OLA1: variants seen among roughly 807,000 people sequenced by gnomAD.
The protein encoded by OLA1 is Obg like ATPase 1.
Under a neutral mutation model 48.4 loss-of-function variants are expected in OLA1, and 14 were observed. The ratio of observed to expected loss-of-function variants is 0.29; its 90% CI spans 0.19 to 0.45. The LOEUF is 0.45. Among genes scored for constraint, OLA1 ranks in the 20% least tolerant of loss-of-function variants. The probability of loss-of-function intolerance (pLI) is 1.00; values close to 1 mark genes in which losing one functional copy is unlikely to be tolerated. For missense variants in OLA1, 325 were observed against 467.1 expected (o/e 0.70, Z 2.80); for synonymous variants, 127 against 150.4 (o/e 0.84, Z 1.14).
rs549010649 is a variant in OLA1 at position 174,237,820 on chromosome 2, G to A, written c.102-8369C>T. 2.6e-5 allele frequency among the ~76,000 whole-genome samples: 4 copies of A among 152,234 alleles called. No individual in the cohort carries two copies. The South Asian group carries it at 8.3e-4, about 32-fold the overall frequency. On this transcript the variant is annotated intron_variant, in intron 2 of 10. Coordinates refer to ENST00000284719, the MANE Select transcript of OLA1 (RefSeq NM_013341.5). ...GCCAGTAACTGTCATTTATTATCAA[G>A]TATTACGTACTGTACATAATTGTAT...
chr2:174,098,007 A>G (rs957782689), intron 7 of OLA1, among the ~76,000 whole-genome samples: 1 of 152,208 alleles, frequency 6.6e-6, no homozygotes, highest in Non-Finnish European at 1.5e-5. Flanking sequence ...CAGTCATTGT[A>G]AAAAAGGGAA....
chr2:174,133,855 A>G (rs1595796), intron 5 of OLA1, among the ~76,000 whole-genome samples: 109,751 of 152,092 alleles, frequency 0.72, 39,830 homozygotes, highest in East Asian at 0.95. Flanking sequence ...ACAATGTTAT[A>G]CAAACCACCT....
At chr2:174,136,619 T>C (rs1686315962) in intron 5 of OLA1, among the ~76,000 whole-genome samples, 1 of 151,956 alleles carries the variant, frequency 6.6e-6, no homozygotes, top group Admixed American at 6.6e-5. Flanking sequence ...AATCAACTCA[T>C]CCCAAACCCC....
At chr2:174,243,256 C>T (rs1426617449) in intron 2 of OLA1, among the ~76,000 whole-genome samples, 1 of 152,082 alleles carries the variant, frequency 6.6e-6, no homozygotes, top group Non-Finnish European at 1.5e-5. Context: ...TGGTGAAACT[C>T]CATCTACAAA....
At chr2:174,127,433 T>A (rs1267155906) in intron 5 of OLA1, among the ~76,000 whole-genome samples, 2 of 152,218 alleles carry the variant, frequency 1.3e-5, no homozygotes, top group African/African-American at 4.8e-5. Context: ...ATCACAAAAA[T>A]AGTAATTTTT....
At chr2:174,166,040 C>T (rs1302507856) in intron 4 of OLA1, among the ~76,000 whole-genome samples, 1 of 151,440 alleles carries the variant, frequency 6.6e-6, no homozygotes, top group Admixed American at 6.6e-5. Flanking sequence ...GCAGGAGAAT[C>T]GCTTGAACCC....
intron 7 of OLA1, among the ~76,000 whole-genome samples, chr2:174,119,956 AACACAC>A (rs10592077): frequency 7.8e-4 from 117 of 149,548 alleles, no homozygotes; most frequent in Non-Finnish European, 1.0e-3. Flanking sequence ...CACACACACA[AACACAC>A]ACACACACAC....
At chr2:174,165,565 C>T (rs1687142051) in intron 4 of OLA1, among the ~76,000 whole-genome samples, 1 of 152,214 alleles carries the variant, frequency 6.6e-6, no homozygotes, top group South Asian at 2.1e-4. Context: ...CCTGCCTTTG[C>T]TGGAGAGTCC....
chr2:174,195,564 T>C lies in OLA1; in HGVS notation c.373+27469A>G, dbSNP rs568709425. On this transcript the variant is annotated intron_variant, in intron 4 of 10. Coordinates refer to ENST00000284719, the MANE Select transcript of OLA1 (RefSeq NM_013341.5). ...CAAGCAGTGAAAAAGAAATGCCAAATCTTGTTCCTGCAAATATAAAGTTCT... is the reference window on the plus strand; with the variant it reads ...CAAGCAGTGAAAAAGAAATGCCAAACCTTGTTCCTGCAAATATAAAGTTCT... 1.2e-4 allele frequency among the ~76,000 whole-genome samples: 19 copies of C among 152,288 alleles called. No homozygotes were observed. In the South Asian group the frequency reaches 3.9e-3, roughly 32 times the overall value.
chr2:174,086,896 T>C (rs1684989349), intron 7 of OLA1, among the ~76,000 whole-genome samples: 1 of 152,178 alleles, frequency 6.6e-6, no homozygotes, highest in Admixed American at 6.5e-5. Flanking sequence ...GGAGCTGCTA[T>C]ATTAGCTCCG....
At chr2:174,099,520 G>C (rs1414418507) in intron 7 of OLA1, among the ~76,000 whole-genome samples, 2 of 152,092 alleles carry the variant, frequency 1.3e-5, no homozygotes, top group Non-Finnish European at 2.9e-5. Context: ...TTGTTACTTG[G>C]CCCTGTGTAT....
chr2:174,089,395 A>C (rs1685056152), intron 7 of OLA1, among the ~76,000 whole-genome samples: 1 of 152,206 alleles, frequency 6.6e-6, no homozygotes, highest in African/African-American at 2.4e-5. Flanking sequence ...CAACTGATAA[A>C]CTAGAGGCAG....
In OLA1 at chr2:174,117,100, T is replaced by C. The variant is rs146416335; in HGVS notation, c.728+6080A>G. Among the ~76,000 whole-genome samples the C allele has an allele frequency of 1.0e-3, 159 of 152,262 alleles. No individual in the cohort carries two copies. In the Middle Eastern group the frequency reaches 0.017, roughly 16 times the overall value. On this transcript the variant is annotated intron_variant, in intron 7 of 10. Coordinates refer to ENST00000284719, the MANE Select transcript of OLA1 (RefSeq NM_013341.5). ...GGTTGTAGAGAACATGGCAGTGATATCATGGGAGTCTCACTGTTATATTTA... is the reference window on the plus strand; with the variant it reads ...GGTTGTAGAGAACATGGCAGTGATACCATGGGAGTCTCACTGTTATATTTA...
chr2:174,183,586 T>G (rs1362014687), intron 4 of OLA1, among the ~76,000 whole-genome samples: 1 of 152,234 alleles, frequency 6.6e-6, no homozygotes, highest in East Asian at 1.9e-4. Flanking sequence ...AACTAGATTG[T>G]TCTCATTGAT....
At chr2:174,232,135 G>A (rs1688741593) in intron 2 of OLA1, among the ~76,000 whole-genome samples, 1 of 152,082 alleles carries the variant, frequency 6.6e-6, no homozygotes, top group Non-Finnish European at 1.5e-5. Flanking sequence ...TAGACTAAAT[G>A]TATGCCCCCT....
intron 7 of OLA1, among the ~76,000 whole-genome samples, chr2:174,092,813 A>T (rs1236679150): frequency 6.6e-6 from 1 of 152,216 alleles, no homozygotes; most frequent in Non-Finnish European, 1.5e-5. Context: ...AAATCACAAC[A>T]GGACCTGGGG....
chr2:174,121,685 T>G (rs1208100295), intron 7 of OLA1, among the ~76,000 whole-genome samples: 1 of 152,212 alleles, frequency 6.6e-6, no homozygotes, highest in Non-Finnish European at 1.5e-5. Flanking sequence ...TATAACCATG[T>G]CATCATCACA....
intron 2 of OLA1, among the ~76,000 whole-genome samples, chr2:174,243,935 T>C (rs80125857): frequency 0.019 from 2,866 of 152,248 alleles, 40 homozygotes; most frequent in South Asian, 0.057. Context: ...CCTCCCACAA[T>C]CTATATCTTG....
intron 3 of OLA1, among the ~76,000 whole-genome samples, chr2:174,224,452 C>A (rs1688573261): frequency 6.6e-6 from 1 of 152,130 alleles, no homozygotes; most frequent in Admixed American, 6.5e-5. Flanking sequence ...AATTCTAGGA[C>A]CTTCACCTTG....
Sources: gnomAD v4.1 joint callset for allele counts (sites outside exome capture counted in the v4.1 genomes callset) on GRCh38, gnomAD v4.1.1 for gene constraint, MANE v1.5 for transcripts, NCBI Gene and HGNC (gene_info 2026-07-23, HGNC 2026-07-21) for gene names.